Variants in CTNNA3 observed in about 807,000 individuals in gnomAD.
CTNNA3 encodes the protein catenin alpha 3, also known as catenin alpha-3.
CTNNA3 carries 76 observed loss-of-function variants against 95.7 expected under a neutral mutation model. That is an observed-to-expected ratio of 0.79 (90% CI 0.66 to 0.96). The LOEUF (loss-of-function observed/expected upper bound fraction) is 0.96, where lower values mean the gene tolerates loss of function less well. Ranked by LOEUF, CTNNA3 falls within the 40% of genes least tolerant of loss-of-function variation. CTNNA3 has a pLI of 0.00. For synonymous variants in CTNNA3, 431 were observed against 374.4 expected, an observed-to-expected ratio of 1.15 and a Z score of -1.74; for missense variants, 1,191 against 1,089.8, an observed-to-expected ratio of 1.09 and a Z score of -1.31.
At chr10:66,902,339 C>A (rs1031037619) in intron 7 of CTNNA3, among the ~76,000 whole-genome samples, 21 of 152,056 alleles carry the variant, frequency 1.4e-4, no homozygotes, top group African/African-American at 5.1e-4. Flanking sequence ...CCAGTGAGAA[C>A]AAAGACACAA....
At chr10:66,144,256 CTTATG>C (rs964087956) in intron 13 of CTNNA3, among the ~76,000 whole-genome samples, 2 of 152,116 alleles carry the variant, frequency 1.3e-5, no homozygotes, top group African/African-American at 2.4e-5. Context: ...TACACAAATA[CTTATG>C]TTTTGTTTCC....
At chr10:66,951,291 T>C (rs1020485151) in intron 7 of CTNNA3, among the ~76,000 whole-genome samples, 8 of 152,020 alleles carry the variant, frequency 5.3e-5, no homozygotes, top group Non-Finnish European at 2.9e-5. Context: ...AATTTTTGTA[T>C]TTTTAGTAGA....
At chr10:66,125,386 G>A (rs2082774054) in intron 13 of CTNNA3, among the ~76,000 whole-genome samples, 1 of 152,102 alleles carries the variant, frequency 6.6e-6, no homozygotes, top group African/African-American at 2.4e-5. Context: ...CCAGAAAGCA[G>A]TTTTATGAAA....
intron 5 of CTNNA3, among the ~76,000 whole-genome samples, chr10:67,507,652 T>C (rs1477176001): frequency 4.6e-5 from 7 of 151,992 alleles, no homozygotes; most frequent in African/African-American, 1.7e-4. Flanking sequence ...AACTAAAATT[T>C]AAAGAACTAA....
chr10:66,013,383 T>C (rs1564577864), intron 15 of CTNNA3, among the ~76,000 whole-genome samples: 1 of 152,214 alleles, frequency 6.6e-6, no homozygotes, highest in Admixed American at 6.5e-5. Flanking sequence ...CATATGAGTA[T>C]CAAATAAAAT....
intron 9 of CTNNA3, among the ~76,000 whole-genome samples, chr10:66,701,143 C>A (rs894591979): frequency 6.6e-6 from 1 of 152,090 alleles, no homozygotes; most frequent in Non-Finnish European, 1.5e-5. Context: ...ACTGAATTGC[C>A]TTTGAACTTT....
chr10:66,642,937 G>C (rs929351515), intron 9 of CTNNA3, among the ~76,000 whole-genome samples: 10 of 151,996 alleles, frequency 6.6e-5, no homozygotes, highest in African/African-American at 2.2e-4. Context: ...TCTTTAAGCA[G>C]ACCACTAAAA....
chr10:66,626,564 A>C (rs781121220), intron 9 of CTNNA3, among the ~76,000 whole-genome samples: 25 of 152,146 alleles, frequency 1.6e-4, no homozygotes, highest in Non-Finnish European at 3.2e-4. Context: ...AAAGTTACAA[A>C]GTTACACAAG....
chr10:67,398,065 CAG>C (rs1844779956), intron 5 of CTNNA3, among the ~76,000 whole-genome samples: 1 of 152,214 alleles, frequency 6.6e-6, no homozygotes, highest in Non-Finnish European at 1.5e-5. Flanking sequence ...AGCCCCCACA[CAG>C]AGTCTCCACT....
chr10:66,926,038 C>A (rs754874543), intron 7 of CTNNA3: 2 of 456,932 alleles, frequency 4.4e-6, no homozygotes, highest in South Asian at 3.1e-5. Flanking sequence ...ACCAAAGCAA[C>A]AGTCCGAGCA....
rs879759188 is a variant in CTNNA3 at position 66,831,749 on chromosome 10, G to GTTT, written c.1048-56226_1048-56225insAAA. On this transcript the variant is annotated intron_variant, in intron 7 of 17. Coordinates refer to ENST00000433211, the MANE Select transcript of CTNNA3 (RefSeq NM_013266.4). The stretch of plus-strand genomic sequence containing the variant: ...AAGCAGAGGAGAGAGGAAAGGGAAA[G>GTTT]AGGGAAGAAGGGAGAGAAGCATGAA... 4.9e-3 allele frequency among the ~76,000 whole-genome samples: 752 copies of GTTT among 152,304 alleles called. 4 individuals are homozygous for GTTT. Among genetic ancestry groups the GTTT allele is most frequent in the Admixed American group, 7.9e-3 (121 of 15,302 alleles).
intron 5 of CTNNA3, among the ~76,000 whole-genome samples, chr10:67,325,874 T>G (rs1841517317): frequency 6.6e-6 from 1 of 152,164 alleles, no homozygotes; most frequent in Admixed American, 6.5e-5. Context: ...TAAGATTCTT[T>G]GAAGGTCTCT....
chr10:66,938,308 C>G (rs1413977026), intron 7 of CTNNA3, among the ~76,000 whole-genome samples: 2 of 152,020 alleles, frequency 1.3e-5, no homozygotes, highest in African/African-American at 4.8e-5. Context: ...GTCAAAAATC[C>G]ATATAATATT....
chr10:66,358,712 T>C (rs2092630434), intron 12 of CTNNA3, among the ~76,000 whole-genome samples: 1 of 152,184 alleles, frequency 6.6e-6, no homozygotes, highest in African/African-American at 2.4e-5. Context: ...AAAAGAAGAT[T>C]AAATCAAGTT....
At chr10:66,068,005 G>A (rs914839410) in intron 15 of CTNNA3, among the ~76,000 whole-genome samples, 2 of 152,072 alleles carry the variant, frequency 1.3e-5, no homozygotes, top group South Asian at 2.1e-4. Flanking sequence ...GATGATGCAC[G>A]TATGAAAAGT....
chr10:67,658,611 T>TA (rs994565307), intron 1 of CTNNA3, among the ~76,000 whole-genome samples: 4 of 151,900 alleles, frequency 2.6e-5, no homozygotes, highest in Admixed American at 1.3e-4. Flanking sequence ...AGTACTGTCT[T>TA]AAAAAAAACA....
At chr10:67,559,287 C>T (rs1369670244) in intron 3 of CTNNA3, among the ~76,000 whole-genome samples, 4 of 152,198 alleles carry the variant, frequency 2.6e-5, no homozygotes, top group Non-Finnish European at 5.9e-5. Flanking sequence ...CCCTCTGAGA[C>T]AAAACTTCCA....
chr10:66,338,858 C>G (rs1237930737), intron 12 of CTNNA3, among the ~76,000 whole-genome samples: 1 of 151,812 alleles, frequency 6.6e-6, no homozygotes, highest in Non-Finnish European at 1.5e-5. Flanking sequence ...AGGAAATTAT[C>G]TTAACTACAG....
chr10:67,219,946 T>C (rs1864575449), intron 5 of CTNNA3, 76 bp from the exon 6 acceptor site: 2 of 1,188,598 alleles, frequency 1.7e-6, no homozygotes, highest in Non-Finnish European at 2.4e-6. Context: ...AGCTTCTTTT[T>C]TTGTAAGTAT....
Sources: gnomAD v4.1 joint callset for allele counts (sites outside exome capture counted in the v4.1 genomes callset) on GRCh38, gnomAD v4.1.1 for gene constraint, MANE v1.5 for transcripts, NCBI Gene and HGNC (gene_info 2026-07-23, HGNC 2026-07-21) for gene names.